ATOH8: variants seen among roughly 807,000 people sequenced by gnomAD.
ATOH8 encodes atonal bHLH transcription factor 8, also known as transcription factor ATOH8.
In ATOH8, 9 loss-of-function variants were observed where a neutral mutation model predicts 21.2. The ratio of observed to expected loss-of-function variants is 0.42; its 90% CI spans 0.26 to 0.74. The LOEUF is 0.74. Ranked by LOEUF, ATOH8 falls within the 30% of genes least tolerant of loss-of-function variation. The pLI, the probability that ATOH8 is intolerant of heterozygous loss-of-function variation, is 0.24. For missense variants in ATOH8, 524 were observed against 470.9 expected (o/e 1.11, Z -1.04); for synonymous variants, 253 against 224.0 (o/e 1.13, Z -1.16).
At chr2:85,773,689 G>T (rs1193708119) in intron 2 of ATOH8, 1 of 152,228 alleles carries the variant, frequency 6.6e-6, no homozygotes, top group Non-Finnish European at 1.5e-5. Flanking sequence ...ACACGGCTGT[G>T]GGTGGCCGGC....
At chr2:85,756,835 C>T (rs1162209756) in intron 1 of ATOH8, among the ~76,000 whole-genome samples, 1 of 152,190 alleles carries the variant, frequency 6.6e-6, no homozygotes, top group Non-Finnish European at 1.5e-5. Context: ...GTGCCACCCC[C>T]CCAGCCCCCA....
In ATOH8 at chr2:85,788,859, C is replaced by A. The variant is rs1480245019; in HGVS notation, c.*1969C>A. On this transcript the variant is annotated 3_prime_UTR_variant, in exon 3 of 3. Coordinates refer to ENST00000306279, the MANE Select transcript of ATOH8 (RefSeq NM_032827.7). ...GCTGTCTTGGATCCCTAGGCTGGCA[C>A]AGAAACAGGGGACCCAGGTGGCCCT... is the stretch of plus-strand genomic sequence containing the variant. Among the ~76,000 whole-genome samples, 1 of 152,174 alleles carries A rather than the reference C, an allele frequency of 6.6e-6. No homozygotes were observed. The highest frequency in any genetic ancestry group is 1.5e-5 in the Non-Finnish European group (1 of 68,010).
intron 2 of ATOH8, among the ~76,000 whole-genome samples, chr2:85,764,459 A>T (rs1374577761): frequency 2.0e-5 from 3 of 152,208 alleles, no homozygotes; most frequent in Admixed American, 6.5e-5. Flanking sequence ...AGGACCATTT[A>T]TCTCTAAATC....
chr2:85,763,686 G>A (rs1679926967), intron 1 of ATOH8, among the ~76,000 whole-genome samples: 1 of 152,178 alleles, frequency 6.6e-6, no homozygotes, highest in South Asian at 2.1e-4. Context: ...CAAGAGGGTG[G>A]AGGACAGAGC....
intron 2 of ATOH8, chr2:85,781,276 G>A (rs941783031): frequency 4.8e-5 from 9 of 186,458 alleles, no homozygotes; most frequent in African/African-American, 1.7e-4. Flanking sequence ...TTTTCTTTCT[G>A]TTCACTCTTC....
intron 1 of ATOH8, among the ~76,000 whole-genome samples, chr2:85,756,300 C>T (rs1010085703): frequency 6.6e-6 from 1 of 152,150 alleles, no homozygotes; most frequent in African/African-American, 2.4e-5. Flanking sequence ...CCACCCTGAG[C>T]CAGCAGCTCT....
chr2:85,755,225 T>G (rs1414084326), intron 1 of ATOH8, among the ~76,000 whole-genome samples: 1 of 152,212 alleles, frequency 6.6e-6, no homozygotes, highest in Non-Finnish European at 1.5e-5. Context: ...GACTTCAGCC[T>G]CCATAGTTCA....
chr2:85,786,981 G>A lies in ATOH8; in HGVS notation c.*91G>A, dbSNP rs1218463891. ...TGAGCTCGCTGAGTCCAGCCTCGTGGTCTTCTCCAAGATGCCGCCAGATGC... is the reference window on the plus strand; with the variant it reads ...TGAGCTCGCTGAGTCCAGCCTCGTGATCTTCTCCAAGATGCCGCCAGATGC... On this transcript the variant is annotated 3_prime_UTR_variant, in exon 3 of 3. Coordinates refer to ENST00000306279, the MANE Select transcript of ATOH8 (RefSeq NM_032827.7). 15 of 1,573,668 alleles carry A rather than the reference G, an allele frequency of 9.5e-6. No individual in the cohort carries two copies. The highest frequency in any genetic ancestry group is 2.3e-5 in the East Asian group (1 of 44,106).
At chr2:85,761,191 G>A (rs1052223746) in intron 1 of ATOH8, among the ~76,000 whole-genome samples, 1 of 152,188 alleles carries the variant, frequency 6.6e-6, no homozygotes, top group African/African-American at 2.4e-5. Flanking sequence ...GTGGGAGCTG[G>A]GAGAGCCTAG....
intron 2 of ATOH8, among the ~76,000 whole-genome samples, chr2:85,782,405 T>TA (rs1446151527): frequency 6.6e-6 from 1 of 152,176 alleles, no homozygotes; most frequent in Non-Finnish European, 1.5e-5. Context: ...CCCAAAGTGG[T>TA]AAAATTACCC....
In ATOH8 at chr2:85,787,358, CT is replaced by C. The variant is rs1199346415; in HGVS notation, c.*469del. The C allele has an allele frequency of 6.1e-6, 1 of 164,396 alleles. No homozygotes were observed. The highest frequency in any genetic ancestry group is 2.4e-5 in the African/African-American group (1 of 41,832). 10.2% of individuals were successfully genotyped at this position (164,396 alleles called of 1,614,324 possible). ...GGAATGGATGGGCATTTGATGACCC[CT>C]GGGGGTCATCTTGGCCCTCTGACCT... On this transcript the variant is annotated 3_prime_UTR_variant, in exon 3 of 3. Coordinates refer to ENST00000306279, the MANE Select transcript of ATOH8 (RefSeq NM_032827.7).
At chr2:85,778,975 GC>G (rs1216051143) in intron 2 of ATOH8, among the ~76,000 whole-genome samples, 1 of 151,210 alleles carries the variant, frequency 6.6e-6, no homozygotes, top group Non-Finnish European at 1.5e-5. Flanking sequence ...TGAGTGGGCT[GC>G]CCCCTCCTGC....
intron 1 of ATOH8, among the ~76,000 whole-genome samples, chr2:85,759,731 G>A (rs1679809839): frequency 6.6e-6 from 1 of 152,072 alleles, no homozygotes; most frequent in African/African-American, 2.4e-5. Flanking sequence ...AGTGGAATCC[G>A]GTGCTCATCT....
Position 85,754,857 on chromosome 2 carries a change from A to G in ATOH8, c.668A>G (p.Glu223Gly), listed in dbSNP as rs1421883702. 22 of 1,612,330 alleles carry G rather than the reference A, an allele frequency of 1.4e-5. No homozygotes were observed. The highest frequency in any genetic ancestry group is 1.9e-5 in the Non-Finnish European group (22 of 1,179,870). ...GGCGAAGCGACTGCCGCCTCCTCCG[A>G]GATCAAAGCCCTGCAGCAGACCCGG... ...RPGEATAASS[E>G]IKALQQTRRL... Residue 223 changes from glutamate to glycine, a missense_variant, in exon 1 of 3, where the codon GAG (glutamate) becomes GGG (glycine). By Grantham distance (98) the Glu-to-Gly change is moderately conservative. Coordinates refer to ENST00000306279, the MANE Select transcript of ATOH8 (RefSeq NM_032827.7).
rs946423087 is a variant in ATOH8 at position 85,754,477 on chromosome 2, C to T, written c.288C>T (p.Arg96=). ...GGGGCACGGACACAGCCGGGGAGCG[C>T]GGGGGCTCTCGGGCGCCCGAGGTCT... The part of the protein sequence containing the change: ...PRGGTDTAGE[R]GGSRAPEVSD... The change falls in exon 1 of 3, where the codon CGC becomes CGT. Residue 96 remains arginine, a synonymous_variant. Transcript: ENST00000306279. 9 of 1,447,656 alleles carry T rather than the reference C, an allele frequency of 6.2e-6. No homozygotes were observed. The highest frequency in any genetic ancestry group is 4.4e-5 in the South Asian group (3 of 68,910). 89.7% of individuals were successfully genotyped at this position (1,447,656 alleles called of 1,614,324 possible). A position where few individuals can be genotyped will look rare whatever the true frequency, so the allele number is the denominator to read the frequency against.
In ATOH8 at chr2:85,766,207, C is replaced by T. The variant is rs192648474; in HGVS notation, c.960+2025C>T. Among the ~76,000 whole-genome samples, 168 of 152,174 alleles carry T rather than the reference C, an allele frequency of 1.1e-3. No homozygotes were observed. Among genetic ancestry groups the T allele is most frequent in the African/African-American group, 3.9e-3 (160 of 41,516 alleles). On this transcript the variant is annotated intron_variant, in intron 2 of 2. Transcript: ENST00000306279. The surrounding 1 kb of genome is among the most constrained non-coding windows in gnomAD (Gnocchi z 4.0). ...GTAATGATAATGAGCCCCTAAAATGCTTGAGCTCTGAACTTGAGGCTTATC... is the reference window on the plus strand; with the variant it reads ...GTAATGATAATGAGCCCCTAAAATGTTTGAGCTCTGAACTTGAGGCTTATC...
Position 85,754,881 on chromosome 2 carries a change from G to C in ATOH8, c.692G>C (p.Arg231Pro). 6.2e-7 allele frequency: 1 copy of C among 1,611,380 alleles called. No homozygotes were observed. The highest frequency in any genetic ancestry group is 8.5e-7 in the Non-Finnish European group (1 of 1,179,752). ...GAGATCAAAGCCCTGCAGCAGACCC[G>C]GAGGCTCCTGGCGAACGCCAGGGAG... Reference protein sequence around the residue: ...SSEIKALQQTRRLLANARERT... With the variant: ...SSEIKALQQTPRLLANARERT... Residue 231 changes from arginine to proline, a missense_variant, in exon 1 of 3, where the codon CGG (arginine) becomes CCG (proline). Coordinates refer to ENST00000306279, the MANE Select transcript of ATOH8 (RefSeq NM_032827.7).
chr2:85,763,846 G>GTGTGTGTA, intron 1 of ATOH8, 145 bp from the exon 2 acceptor site: 1 of 655,890 alleles, frequency 1.5e-6, no homozygotes, highest in East Asian at 2.7e-5. Flanking sequence ...GTGTGTGTGT[G>GTGTGTGTA]TGTGTGTGTG....
At chr2:85,759,050 G>C (rs1396514169) in intron 1 of ATOH8, among the ~76,000 whole-genome samples, 1 of 152,194 alleles carries the variant, frequency 6.6e-6, no homozygotes, top group African/African-American at 2.4e-5. Context: ...GGCTTCTGCC[G>C]TGGTCCTCTC....
Sources: gnomAD v4.1 joint callset for allele counts (sites outside exome capture counted in the v4.1 genomes callset) on GRCh38, gnomAD v4.1.1 for gene constraint, Gnocchi (gnomAD v3.1) non-coding constraint, MANE v1.5 for transcripts, NCBI Gene and HGNC (gene_info 2026-07-23, HGNC 2026-07-21) for gene names.